ROBO2: variants seen among roughly 807,000 people sequenced by gnomAD.
The protein encoded by ROBO2 is roundabout guidance receptor 2, also known as roundabout homolog 2.
A neutral mutation model predicts 160.8 loss-of-function variants in ROBO2; 53 were observed. The observed-to-expected ratio is 0.33, with a 90% CI of 0.26 to 0.41. ROBO2 has a LOEUF of 0.41. Ranked by LOEUF, ROBO2 falls within the 10% of genes least tolerant of loss-of-function variation. The pLI is 1.00. For missense variants in ROBO2, 1,577 were observed against 1,722.4 expected (o/e 0.92, Z 1.49); for synonymous variants, 664 against 611.7 (o/e 1.09, Z -1.26).
In ROBO2 at chr3:76,156,298, C is replaced by T. The variant is rs35955345; in HGVS notation, c.109+218696C>T. Among the ~76,000 whole-genome samples the T allele has an allele frequency of 5.8e-3, 877 of 150,998 alleles. 4 individuals are homozygous for T. The highest frequency in any genetic ancestry group is 8.3e-3 in the Non-Finnish European group (563 of 67,592). On this transcript the variant is annotated intron_variant, in intron 2 of 26. Coordinates refer to the ROBO2 transcript ENST00000487694. ...GATTTCTTCTATGTGCTTAAAGTGA[C>T]AGAAAAAAAAAGCATTTCAAAGGTT...
chr3:75,950,693 T>G (rs1171073124), intron 2 of ROBO2, among the ~76,000 whole-genome samples: 1 of 151,486 alleles, frequency 6.6e-6, no homozygotes, highest in Admixed American at 6.6e-5. Flanking sequence ...GTAGAGCTTA[T>G]GTATTCTCCC....
chr3:77,348,907 T>C (rs1363591381), intron 2 of ROBO2, among the ~76,000 whole-genome samples: 2 of 151,994 alleles, frequency 1.3e-5, no homozygotes, highest in African/African-American at 4.8e-5. Context: ...TTCCAACAGA[T>C]ATTCATTTGT....
chr3:76,704,909 C>G (rs998982515), intron 2 of ROBO2, among the ~76,000 whole-genome samples: 1 of 152,018 alleles, frequency 6.6e-6, no homozygotes, highest in Non-Finnish European at 1.5e-5. Flanking sequence ...ATTTATTTTG[C>G]ATCTAAAAAG....
chr3:77,456,389 G>A (rs547261273), intron 2 of ROBO2, among the ~76,000 whole-genome samples: 1 of 152,246 alleles, frequency 6.6e-6, no homozygotes, highest in African/African-American at 2.4e-5. Flanking sequence ...AAAGAGGTAG[G>A]GGGTAGTCTT....
At chr3:77,110,457 T>G (rs1379388465) in intron 2 of ROBO2, among the ~76,000 whole-genome samples, 1 of 151,922 alleles carries the variant, frequency 6.6e-6, no homozygotes, top group Admixed American at 6.6e-5. Flanking sequence ...AAATTACTCT[T>G]TTTATTTTTT....
intron 2 of ROBO2, among the ~76,000 whole-genome samples, chr3:77,284,165 C>A (rs2060427692): frequency 6.6e-6 from 1 of 152,112 alleles, no homozygotes; most frequent in South Asian, 2.1e-4. Context: ...TTGTCTGTGG[C>A]TGCTTTTGTG....
At chr3:76,868,939 A>G (rs1418987909) in intron 2 of ROBO2, among the ~76,000 whole-genome samples, 1 of 152,208 alleles carries the variant, frequency 6.6e-6, no homozygotes, top group African/African-American at 2.4e-5. Flanking sequence ...AACTTTTTTC[A>G]GAATGGATAA....
chr3:76,717,989 T>A (rs1223756415), intron 2 of ROBO2, among the ~76,000 whole-genome samples: 1 of 152,244 alleles, frequency 6.6e-6, no homozygotes, highest in East Asian at 1.9e-4. Flanking sequence ...GATATAAGTA[T>A]CACATTCATC....
intron 2 of ROBO2, among the ~76,000 whole-genome samples, chr3:76,006,101 A>C (rs1237390388): frequency 1.3e-5 from 2 of 152,230 alleles, no homozygotes; most frequent in East Asian, 1.9e-4. Flanking sequence ...TAGACATCCA[A>C]TACAGAGGTA....
At chr3:76,803,373 G>A (rs2064379027) in intron 2 of ROBO2, among the ~76,000 whole-genome samples, 1 of 150,908 alleles carries the variant, frequency 6.6e-6, no homozygotes, top group Non-Finnish European at 1.5e-5. Flanking sequence ...GGAAGAGGAG[G>A]AGGAGGATAC....
At chr3:76,272,812 A>AAATATATAC (rs1210494784) in intron 2 of ROBO2, among the ~76,000 whole-genome samples, 1 of 6,704 alleles carries the variant, frequency 1.5e-4, no homozygotes, top group Non-Finnish European at 5.5e-4. Flanking sequence ...AAAATATATA[A>AAATATATAC]TATGTATTTA....
At chr3:76,376,178 GAGC>G (rs1214378080) in intron 2 of ROBO2, among the ~76,000 whole-genome samples, 1 of 151,942 alleles carries the variant, frequency 6.6e-6, no homozygotes, top group Admixed American at 6.6e-5. Context: ...CTTTCTTAAT[GAGC>G]CTACTTTATT....
At chr3:77,588,491 G>A (rs2094107991) in intron 16 of ROBO2, among the ~76,000 whole-genome samples, 2 of 89,858 alleles carry the variant, frequency 2.2e-5, no homozygotes, top group Admixed American at 2.4e-4. Context: ...TTTATAAGGT[G>A]ATAAATCAAC....
chr3:76,546,916 A>G (rs2083138425), intron 2 of ROBO2, among the ~76,000 whole-genome samples: 1 of 151,928 alleles, frequency 6.6e-6, no homozygotes, highest in Non-Finnish European at 1.5e-5. Flanking sequence ...CAACCTCAAG[A>G]GCTTGTCCTT....
chr3:75,984,935 T>C (rs1467799247), intron 2 of ROBO2, among the ~76,000 whole-genome samples: 2 of 151,474 alleles, frequency 1.3e-5, no homozygotes, highest in Non-Finnish European at 3.0e-5. Flanking sequence ...ATAAGGGTAA[T>C]ACTCTTATTT....
At chr3:77,353,405 T>C (rs1378859515) in intron 2 of ROBO2, among the ~76,000 whole-genome samples, 2 of 152,228 alleles carry the variant, frequency 1.3e-5, no homozygotes, top group African/African-American at 4.8e-5. Context: ...TGGTCAAATC[T>C]ATTTTATTTG....
chr3:76,663,957 T>C (rs1312596523), intron 2 of ROBO2, among the ~76,000 whole-genome samples: 1 of 150,394 alleles, frequency 6.6e-6, no homozygotes, highest in Non-Finnish European at 1.5e-5. Context: ...GAACTGACAA[T>C]TGTTGATGGG....
chr3:76,164,775 T>G (rs892482498), intron 2 of ROBO2, among the ~76,000 whole-genome samples: 1 of 152,114 alleles, frequency 6.6e-6, no homozygotes, highest in Non-Finnish European at 1.5e-5. Flanking sequence ...GGCCCTAGGG[T>G]CTTTGAAATG....
At chr3:77,339,830 C>T (rs1180611180) in intron 2 of ROBO2, among the ~76,000 whole-genome samples, 1 of 151,856 alleles carries the variant, frequency 6.6e-6, no homozygotes, top group East Asian at 1.9e-4. Flanking sequence ...TTTCCCCTTT[C>T]CACTTCAATG....
Sources: gnomAD v4.1 joint callset for allele counts (sites outside exome capture counted in the v4.1 genomes callset) on GRCh38, gnomAD v4.1.1 for gene constraint, MANE v1.5 for transcripts, NCBI Gene and HGNC (gene_info 2026-07-23, HGNC 2026-07-21) for gene names.